HOMER2: variants seen among roughly 807,000 people sequenced by gnomAD.
HOMER2 encodes homer protein homolog 2.
Under a neutral mutation model 47.0 loss-of-function variants are expected in HOMER2, and 27 were observed. The ratio of observed to expected loss-of-function variants is 0.57; its 90% CI spans 0.42 to 0.79. The LOEUF (loss-of-function observed/expected upper bound fraction) is 0.79, where lower values mean the gene tolerates loss of function less well. Ranked by LOEUF, HOMER2 falls within the 30% of genes least tolerant of loss-of-function variation. The pLI, the probability that HOMER2 is intolerant of heterozygous loss-of-function variation, is 0.00. For missense variants in HOMER2, 443 were observed against 435.0 expected (o/e 1.02, Z -0.16); for synonymous variants, 161 against 163.8 (o/e 0.98, Z 0.13).
At chr15:82,914,406 C>T (rs965321000) in intron 1 of HOMER2, among the ~76,000 whole-genome samples, 1 of 149,552 alleles carries the variant, frequency 6.7e-6, no homozygotes, top group Non-Finnish European at 1.5e-5. Flanking sequence ...AAAGGAAGTC[C>T]ACTATATGCT....
chr15:82,934,644 C>G (rs1277486602), intron 1 of HOMER2, among the ~76,000 whole-genome samples: 1 of 152,196 alleles, frequency 6.6e-6, no homozygotes, highest in Non-Finnish European at 1.5e-5. Context: ...GGTTACCAAT[C>G]CCCGGTGGAT....
At chr15:82,907,879 A>T (rs969073499) in intron 1 of HOMER2, among the ~76,000 whole-genome samples, 2 of 152,218 alleles carry the variant, frequency 1.3e-5, no homozygotes, top group Admixed American at 1.3e-4. Context: ...TGGATAACAA[A>T]ATGTGGTGTA....
intron 1 of HOMER2, among the ~76,000 whole-genome samples, chr15:82,919,986 A>G (rs1425510347): frequency 2.0e-5 from 3 of 152,184 alleles, no homozygotes; most frequent in Non-Finnish European, 2.9e-5. Flanking sequence ...CCATAACCCT[A>G]GTATATTCCA....
chr15:82,965,097 G>T (rs909367160), intron 1 of HOMER2, among the ~76,000 whole-genome samples: 2 of 151,992 alleles, frequency 1.3e-5, no homozygotes, highest in South Asian at 4.2e-4. Context: ...CTAGCTCACC[G>T]CAGTCCTGAA....
intron 2 of HOMER2, 47 bp downstream of exon 2, chr15:82,892,638 G>A: frequency 1.4e-6 from 2 of 1,410,206 alleles, no homozygotes; most frequent in South Asian, 1.9e-5. Flanking sequence ...CATCTTGGAT[G>A]AAAGATAAGC....
chr15:82,920,414 G>A (rs866054198), intron 1 of HOMER2, among the ~76,000 whole-genome samples: 5 of 152,116 alleles, frequency 3.3e-5, no homozygotes, highest in Non-Finnish European at 5.9e-5. Context: ...GCAGAAATCC[G>A]CAGTCAGTTG....
intron 1 of HOMER2, among the ~76,000 whole-genome samples, chr15:82,902,605 C>T (rs1385583605): frequency 6.6e-6 from 1 of 152,118 alleles, no homozygotes; most frequent in Non-Finnish European, 1.5e-5. Context: ...CCGAAGGAAC[C>T]GTTTGTGTTC....
rs371242899 is a variant in HOMER2, at chr15:82,912,045, G to A, written c.6-19204C>T. 1.7e-4 allele frequency among the ~76,000 whole-genome samples: 26 copies of A among 152,090 alleles called. No individual in the cohort carries two copies. The South Asian group carries it at 5.0e-3, about 29-fold the overall frequency. The stretch of plus-strand genomic sequence containing the variant: ...ACTCTGTCCCAAAAAATAAATAAAT[G>A]AATTTAAATTTCACATAAAAAATGA... On this transcript the variant is annotated intron_variant, in intron 1 of 8. Coordinates refer to ENST00000450735, the MANE Select transcript of HOMER2 (RefSeq NM_004839.4).
chr15:82,879,835 C>A (rs1401825728), intron 2 of HOMER2, among the ~76,000 whole-genome samples: 1 of 152,184 alleles, frequency 6.6e-6, no homozygotes, highest in Non-Finnish European at 1.5e-5. Flanking sequence ...ATTTTACCTA[C>A]AGTAGAACTT....
intron 1 of HOMER2, among the ~76,000 whole-genome samples, chr15:82,897,788 C>T (rs942858516): frequency 2.0e-5 from 3 of 152,162 alleles, no homozygotes; most frequent in Admixed American, 6.6e-5. Context: ...GGAAATTCAG[C>T]CAACAACCAC....
At chr15:82,834,778 T>C (rs1460094469), downstream of HOMER2, 1 of 152,324 alleles carries the variant, frequency 6.6e-6, no homozygotes, top group Non-Finnish European at 1.5e-5. Flanking sequence ...CCTTAGCTGC[T>C]GTAAAAGCAA....
At chr15:82,882,302 C>CA (rs904097572) in intron 2 of HOMER2, among the ~76,000 whole-genome samples, 2 of 152,186 alleles carry the variant, frequency 1.3e-5, no homozygotes, top group Non-Finnish European at 2.9e-5. Flanking sequence ...AGAAGGTGGC[C>CA]AGGCCTGACC....
chr15:82,927,339 G>C (rs887563389), intron 1 of HOMER2, among the ~76,000 whole-genome samples: 4 of 151,902 alleles, frequency 2.6e-5, no homozygotes, highest in African/African-American at 9.7e-5. Flanking sequence ...TCACTCCCAT[G>C]AACAGTGCCT....
At chr15:82,850,254 A>G (rs1157979686) in intron 8 of HOMER2, among the ~76,000 whole-genome samples, 1 of 152,266 alleles carries the variant, frequency 6.6e-6, no homozygotes. Context: ...CTGAGTGGCT[A>G]GCAGAGACCA....
exon 2 of HOMER2, chr15:82,837,002 T>G (rs1310991249): frequency 6.6e-6 from 1 of 152,218 alleles, no homozygotes; most frequent in African/African-American, 2.4e-5. Flanking sequence ...CTGACATGGG[T>G]CTCACTGGGC....
At chr15:82,880,793 G>A (rs140765487) in intron 2 of HOMER2, among the ~76,000 whole-genome samples, 320 of 152,234 alleles carry the variant, frequency 2.1e-3, no homozygotes, top group Non-Finnish European at 3.6e-3. Flanking sequence ...GTCATCTGGT[G>A]GAAGAAAAGA....
chr15:82,859,004 A>T (rs2051683070), intron 5 of HOMER2, 25 bp downstream of exon 5: 2 of 1,605,234 alleles, frequency 1.2e-6, no homozygotes, highest in Non-Finnish European at 1.7e-6. Flanking sequence ...GAGAAAATAG[A>T]ATCTGGACTT....
At chr15:82,914,348 A>G (rs1198151575) in intron 1 of HOMER2, among the ~76,000 whole-genome samples, 1 of 150,580 alleles carries the variant, frequency 6.6e-6, no homozygotes, top group African/African-American at 2.4e-5. Context: ...ACTGCACTCC[A>G]GCCTGGGTGG....
chr15:82,879,514 A>C (rs909434534), intron 2 of HOMER2, among the ~76,000 whole-genome samples: 3 of 152,212 alleles, frequency 2.0e-5, no homozygotes, highest in Non-Finnish European at 4.4e-5. Flanking sequence ...AAAAGAAAGA[A>C]AGAAAATAAA....
Sources: gnomAD v4.1 joint callset for allele counts (sites outside exome capture counted in the v4.1 genomes callset) on GRCh38, gnomAD v4.1.1 for gene constraint, MANE v1.5 for transcripts, NCBI Gene and HGNC (gene_info 2026-07-23, HGNC 2026-07-21) for gene names.